Variants in CRYBG1 observed in about 807,000 individuals in gnomAD.
CRYBG1 encodes the protein crystallin beta-gamma domain containing 1, also known as beta/gamma crystallin domain-containing protein 1.
A neutral mutation model predicts 189.2 loss-of-function variants in CRYBG1; 139 were observed. The observed-to-expected ratio is 0.73, with a 90% CI of 0.64 to 0.85. The LOEUF is 0.85. Among genes scored for constraint, CRYBG1 ranks in the 40% least tolerant of loss-of-function variants. CRYBG1 has a pLI of 0.00. For synonymous variants in CRYBG1, 1,023 were observed against 1,017.1 expected (o/e 1.01, Z -0.11); for missense variants, 2,611 against 2,675.8 (o/e 0.98, Z 0.53).
At chr6:106,469,405 C>G (rs1772182798) in intron 2 of CRYBG1, among the ~76,000 whole-genome samples, 1 of 152,192 alleles carries the variant, frequency 6.6e-6, no homozygotes, top group African/African-American at 2.4e-5. Context: ...AGATTTTTGT[C>G]TCTTTTGTTC....
At chr6:106,431,043 G>A (rs1771316572) in intron 1 of CRYBG1, among the ~76,000 whole-genome samples, 2 of 151,918 alleles carry the variant, frequency 1.3e-5, no homozygotes, top group Non-Finnish European at 2.9e-5. Context: ...TGTGTTTTTA[G>A]TAGAGATGGG....
At chr6:106,444,894 G>A (rs1211922615) in intron 1 of CRYBG1, among the ~76,000 whole-genome samples, 1 of 152,146 alleles carries the variant, frequency 6.6e-6, no homozygotes, top group Non-Finnish European at 1.5e-5. Flanking sequence ...GGCACTTTGG[G>A]AGGCTGAGGC....
chr6:106,385,376 T>C (rs1770364305), intron 1 of CRYBG1, among the ~76,000 whole-genome samples: 1 of 152,234 alleles, frequency 6.6e-6, no homozygotes, highest in Admixed American at 6.5e-5. Context: ...CCAGCATTTC[T>C]CTACTGGATA....
Position 106,521,064 on chromosome 6 carries a change from C to A in CRYBG1, c.3856C>A (p.Pro1286Thr). 2 of 1,614,168 alleles carry A rather than the reference C, an allele frequency of 1.2e-6. No homozygotes were observed. Among genetic ancestry groups the A allele is most frequent in the Non-Finnish European group, 1.7e-6 (2 of 1,180,028 alleles). Reference sequence around the variant, plus strand: ...CCTATCTCAGTCTTCAGTGTCACAGCCCACGACTGAGGGTGCCCCGCCCTG... The same window carrying A: ...CCTATCTCAGTCTTCAGTGTCACAGACCACGACTGAGGGTGCCCCGCCCTG... ...GSLSQSSVSQ[P>T]TTEGAPPCGL... Residue 1286 changes from proline to threonine, a missense_variant, in exon 4 of 22, where the codon CCC (proline) becomes ACC (threonine). Around this residue, in one of 3 missense-constraint regions of CRYBG1, gnomAD observed 1,622 missense variants for 1,735.0 expected, o/e 0.93. Transcript: ENST00000633556.
At position 106,519,322 on chromosome 6, in the gene CRYBG1, C is replaced by T; in HGVS notation, c.2114C>T (p.Pro705Leu). 1 of 1,614,150 alleles carries T rather than the reference C, an allele frequency of 6.2e-7. No individual in the cohort carries two copies. Among genetic ancestry groups the T allele is most frequent in the Non-Finnish European group, 8.5e-7 (1 of 1,180,016 alleles). The change falls in exon 4 of 22, where the codon CCT becomes CTT. Residue 705 changes from proline to leucine, a missense_variant. Pro to Leu is a moderately conservative substitution (Grantham distance 98, BLOSUM62 -3). This residue lies in a region of CRYBG1 where 1,622 missense variants were observed against 1,735.0 expected (regional missense o/e 0.93). Coordinates refer to ENST00000633556, the MANE Select transcript of CRYBG1 (RefSeq NM_001371242.2). Reference sequence around the variant, plus strand: ...GACATTCGAGGCCAAAGGAATACTCCTGCCTCTAGTAAAACGTTTGTTGGG... The same window carrying T: ...GACATTCGAGGCCAAAGGAATACTCTTGCCTCTAGTAAAACGTTTGTTGGG... ...HTDIRGQRNT[P>L]ASSKTFVGRA...
intron 2 of CRYBG1, among the ~76,000 whole-genome samples, chr6:106,470,852 C>T (rs982670585): frequency 3.9e-5 from 6 of 152,096 alleles, no homozygotes; most frequent in African/African-American, 1.2e-4. Flanking sequence ...TATCATTATC[C>T]CTGCTTTGCA....
rs1389634082 is a variant in CRYBG1, at chr6:106,571,193, C to G, written c.*2627C>G. The G allele has an allele frequency of 6.6e-6, 1 of 152,150 alleles. No individual in the cohort carries two copies. Among genetic ancestry groups the G allele is most frequent in the Non-Finnish European group, 1.5e-5 (1 of 68,010 alleles). The allele number at this position is 152,150 out of a possible 1,614,324, so 9.4% of individuals were successfully genotyped here. On this transcript the variant is annotated 3_prime_UTR_variant, in exon 22 of 22. Transcript: ENST00000633556. ...TGCTCTCACCTTTCAATATTAAGAGCATAAACAAATGAATCACCAGGCAGA... is the reference window on the plus strand; with the variant it reads ...TGCTCTCACCTTTCAATATTAAGAGGATAAACAAATGAATCACCAGGCAGA...
intron 2 of CRYBG1, among the ~76,000 whole-genome samples, chr6:106,462,359 A>C (rs1772030879): frequency 6.6e-6 from 1 of 151,986 alleles, no homozygotes; most frequent in Non-Finnish European, 1.5e-5. Flanking sequence ...TTTAGTAGAG[A>C]CAGGGTTTAC....
Position 106,512,497 on chromosome 6 carries a change from C to T in CRYBG1, c.1380C>T (p.Asn460=), listed in dbSNP as rs758297422. ...DEVAPNAASD[N]ASAEKKVKSP... The stretch of plus-strand genomic sequence containing the variant: ...TGGCGCCAAACGCGGCCAGCGATAA[C>T]GCCTCGGCGGAAAAGAAAGTGAAAT... The change falls in exon 3 of 22, where the codon AAC becomes AAT. Residue 460 remains asparagine, a synonymous_variant. Transcript: ENST00000633556. The T allele has an allele frequency of 5.6e-6, 9 of 1,611,260 alleles. No individual in the cohort carries two copies. The highest frequency in any genetic ancestry group is 1.3e-5 in the African/African-American group (1 of 75,012).
At chr6:106,422,447 C>T (rs1203392589) in intron 1 of CRYBG1, among the ~76,000 whole-genome samples, 2 of 151,850 alleles carry the variant, frequency 1.3e-5, no homozygotes, top group African/African-American at 2.4e-5. Flanking sequence ...ATCCTGCCAC[C>T]TCAGCCTCTG....
intron 3 of CRYBG1, among the ~76,000 whole-genome samples, chr6:106,513,889 G>C (rs909057906): frequency 1.1e-4 from 16 of 152,318 alleles, no homozygotes; most frequent in African/African-American, 3.6e-4. Context: ...CATTTCACAA[G>C]TAATTTATTT....
chr6:106,416,999 C>CTTTTTTTTTTTTTTT (rs71663353), intron 1 of CRYBG1, among the ~76,000 whole-genome samples: 3 of 69,500 alleles, frequency 4.3e-5, no homozygotes, highest in African/African-American at 6.4e-5. Context: ...ATGGGATTTA[C>CTTTTTTTTTTTTTTT]TTTTTTTTTT....
intron 8 of CRYBG1, among the ~76,000 whole-genome samples, chr6:106,533,539 C>A (rs544474038): frequency 3.3e-4 from 51 of 152,274 alleles, no homozygotes; most frequent in Non-Finnish European, 7.1e-4. Flanking sequence ...ACGTAGGATG[C>A]ACTTGCAATC....
At chr6:106,467,807 AAGAGT>A (rs1269850974) in intron 2 of CRYBG1, among the ~76,000 whole-genome samples, 1 of 152,200 alleles carries the variant, frequency 6.6e-6, no homozygotes, top group Non-Finnish European at 1.5e-5. Context: ...TTGTCCCACT[AAGAGT>A]AAACAGTTAT....
At chr6:106,422,344 A>ATTTATTTTTTTTTTTTTTTTT (rs57640822) in intron 1 of CRYBG1, among the ~76,000 whole-genome samples, 29 of 139,988 alleles carry the variant, frequency 2.1e-4, no homozygotes, top group East Asian at 1.3e-3. Context: ...TTATTTATTT[A>ATTTATTTTTTTTTTTTTTTTT]TTTTTGAGAC....
chr6:106,515,728 C>G (rs1416017749), intron 3 of CRYBG1, among the ~76,000 whole-genome samples: 1 of 151,524 alleles, frequency 6.6e-6, no homozygotes, highest in South Asian at 2.1e-4. Flanking sequence ...GAAAGCAATG[C>G]CTGGGAGAAA....
At chr6:106,488,313 G>A (rs1772636529) in intron 2 of CRYBG1, among the ~76,000 whole-genome samples, 1 of 152,210 alleles carries the variant, frequency 6.6e-6, no homozygotes, top group Admixed American at 6.5e-5. Flanking sequence ...ATTCTCTCCA[G>A]TGGTGTAGGG....
intron 16 of CRYBG1, among the ~76,000 whole-genome samples, chr6:106,554,548 G>A (rs750047429): frequency 3.9e-5 from 6 of 152,020 alleles, no homozygotes; most frequent in Non-Finnish European, 7.4e-5. Flanking sequence ...GGAGGCAGAG[G>A]TTGCAGTAAG....
chr6:106,522,046 T>G lies in CRYBG1; in HGVS notation c.4245+593T>G, dbSNP rs142608884. Among the ~76,000 whole-genome samples, 621 of 152,288 alleles carry G rather than the reference T, an allele frequency of 4.1e-3. 2 individuals carry two copies. Among genetic ancestry groups the G allele is most frequent in the Middle Eastern group, 0.02 (6 of 294 alleles). On this transcript the variant is annotated intron_variant, in intron 4 of 21. Transcript: ENST00000633556. ...TCCTGACTGGCTGGCAATAAATCTTTTAAGGCACATGTGAATTTATATGTT... is the reference window on the plus strand; with the variant it reads ...TCCTGACTGGCTGGCAATAAATCTTGTAAGGCACATGTGAATTTATATGTT...
Sources: gnomAD v4.1 joint callset for allele counts (sites outside exome capture counted in the v4.1 genomes callset) on GRCh38, gnomAD v4.1.1 for gene constraint, gnomAD v4.1.1 regional missense constraint, MANE v1.5 for transcripts, NCBI Gene and HGNC (gene_info 2026-07-23, HGNC 2026-07-21) for gene names.